The following LRP1B variants were observed in gnomAD, a reference collection of about 807,000 sequenced individuals.
LRP1B encodes low-density lipoprotein receptor-related protein 1B.
A neutral mutation model predicts 556.6 loss-of-function variants in LRP1B; 217 were observed. That is an observed-to-expected ratio of 0.39 (90% CI 0.35 to 0.44). The LOEUF (loss-of-function observed/expected upper bound fraction) is 0.44. Among genes scored for constraint, LRP1B ranks in the 20% least tolerant of loss-of-function variants. LRP1B has a pLI of 1.00. For synonymous variants in LRP1B, 2,047 were observed against 1,865.8 expected (o/e 1.10, Z -2.50); for missense variants, 5,053 against 5,620.8 (o/e 0.90, Z 3.23).
chr2:141,343,563 G>T (rs1204487295), intron 3 of LRP1B, among the ~76,000 whole-genome samples: 1 of 152,070 alleles, frequency 6.6e-6, no homozygotes, highest in East Asian at 1.9e-4. Context: ...AATCTTTCTG[G>T]TCTTTATGTT....
At chr2:141,973,736 G>A (rs1701807784) in intron 1 of LRP1B, among the ~76,000 whole-genome samples, 1 of 151,820 alleles carries the variant, frequency 6.6e-6, no homozygotes, top group African/African-American at 2.4e-5. Context: ...CTTTTATAAA[G>A]TTTTTAGACA....
At chr2:142,009,837 A>G (rs997131645) in intron 1 of LRP1B, among the ~76,000 whole-genome samples, 3 of 152,044 alleles carry the variant, frequency 2.0e-5, no homozygotes, top group African/African-American at 7.2e-5. Flanking sequence ...AATTGGATAT[A>G]TATGTATACA....
At chr2:141,210,478 A>C (rs532614603) in intron 6 of LRP1B, among the ~76,000 whole-genome samples, 59 of 152,290 alleles carry the variant, frequency 3.9e-4, no homozygotes, top group Middle Eastern at 3.4e-3. Flanking sequence ...ATTATCAGAA[A>C]CATCAGTTTC....
chr2:140,421,229 T>C (rs1401720524), intron 66 of LRP1B, among the ~76,000 whole-genome samples: 1 of 152,128 alleles, frequency 6.6e-6, no homozygotes, highest in Non-Finnish European at 1.5e-5. Flanking sequence ...CACCTCAGCC[T>C]GGGCAACAAA....
intron 44 of LRP1B, 147 bp downstream of exon 44, chr2:140,541,629 GAAA>G (rs1341752945): frequency 1.6e-6 from 1 of 622,986 alleles, no homozygotes. Context: ...CTAAGAACTA[GAAA>G]AAAACAAAAT....
At chr2:142,116,223 A>AAAAT (rs1707270821) in intron 1 of LRP1B, among the ~76,000 whole-genome samples, 1 of 131,746 alleles carries the variant, frequency 7.6e-6, no homozygotes, top group African/African-American at 3.3e-5. Context: ...AAAGAATGAG[A>AAAAT]AAGATATCAC....
intron 84 of LRP1B, among the ~76,000 whole-genome samples, chr2:140,289,604 CT>C (rs199993173): frequency 4.1e-4 from 59 of 143,930 alleles, no homozygotes; most frequent in Admixed American, 4.2e-4. Flanking sequence ...ATTATTTTTA[CT>C]TTTTTTTTTA....
At chr2:140,612,957 A>C (rs895096741) in intron 41 of LRP1B, among the ~76,000 whole-genome samples, 1 of 151,202 alleles carries the variant, frequency 6.6e-6, no homozygotes, top group Non-Finnish European at 1.5e-5. Flanking sequence ...TTCAGTCTTG[A>C]CTTGGGGATT....
intron 3 of LRP1B, among the ~76,000 whole-genome samples, chr2:141,277,429 G>T (rs997252747): frequency 3.3e-5 from 5 of 152,170 alleles, no homozygotes; most frequent in Admixed American, 6.5e-5. Flanking sequence ...TTGGCCACGT[G>T]TATGTCTTCT....
intron 3 of LRP1B, among the ~76,000 whole-genome samples, chr2:141,268,719 T>A (rs114344598): frequency 6.6e-6 from 1 of 152,252 alleles, no homozygotes; most frequent in Non-Finnish European, 1.5e-5. Flanking sequence ...ATTTTCTCTT[T>A]TAACATTTGC....
At chr2:141,606,969 C>T (rs575710630) in intron 2 of LRP1B, among the ~76,000 whole-genome samples, 47 of 152,060 alleles carry the variant, frequency 3.1e-4, no homozygotes, top group Non-Finnish European at 5.9e-4. Flanking sequence ...ATTATTTTCC[C>T]TTATCCCTTT....
At chr2:142,016,352 C>A (rs1323433765) in intron 1 of LRP1B, among the ~76,000 whole-genome samples, 1 of 152,148 alleles carries the variant, frequency 6.6e-6, no homozygotes, top group East Asian at 1.9e-4. Flanking sequence ...GATTATAAAT[C>A]ATTCTACTAT....
intron 1 of LRP1B, among the ~76,000 whole-genome samples, chr2:141,850,655 TGA>T (rs1558917311): frequency 5.5e-5 from 8 of 145,256 alleles, no homozygotes; most frequent in African/African-American, 2.0e-4. Context: ...TGTGTGTGTG[TGA>T]GCATGTACAC....
chr2:140,697,409 A>AAT (rs943584405), intron 41 of LRP1B, among the ~76,000 whole-genome samples: 10 of 151,872 alleles, frequency 6.6e-5, no homozygotes, highest in Admixed American at 1.3e-4. Context: ...CTATTATATG[A>AAT]ATATATATAT....
At chr2:140,302,690 T>C (rs1407513961) in intron 83 of LRP1B, among the ~76,000 whole-genome samples, 2 of 151,974 alleles carry the variant, frequency 1.3e-5, no homozygotes, top group African/African-American at 2.4e-5. Flanking sequence ...AAGGCCCAAA[T>C]AGAATAAAGG....
intron 7 of LRP1B, among the ~76,000 whole-genome samples, chr2:141,096,357 GC>G (rs1329749745): frequency 6.6e-6 from 1 of 152,104 alleles, no homozygotes; most frequent in Non-Finnish European, 1.5e-5. Flanking sequence ...GGAGGCTGAA[GC>G]AGGAGGATCA....
chr2:142,101,829 T>C (rs1706577285), intron 1 of LRP1B, among the ~76,000 whole-genome samples: 1 of 151,972 alleles, frequency 6.6e-6, no homozygotes, highest in Admixed American at 6.6e-5. Context: ...TCACGTTTAA[T>C]AGAAAATGCC....
chr2:141,859,325 C>T (rs1698166653), intron 1 of LRP1B, among the ~76,000 whole-genome samples: 3 of 152,088 alleles, frequency 2.0e-5, no homozygotes, highest in Admixed American at 6.6e-5. Context: ...CTTTGCATCT[C>T]GACCTGAAAT....
chr2:141,578,856 G>A (rs988264164), intron 2 of LRP1B, among the ~76,000 whole-genome samples: 2 of 152,112 alleles, frequency 1.3e-5, no homozygotes, highest in African/African-American at 4.8e-5. Flanking sequence ...ATGAACCAGT[G>A]TGTCAAAATG....
Sources: gnomAD v4.1 joint callset for allele counts (sites outside exome capture counted in the v4.1 genomes callset) on GRCh38, gnomAD v4.1.1 for gene constraint, MANE v1.5 for transcripts, NCBI Gene and HGNC (gene_info 2026-07-23, HGNC 2026-07-21) for gene names.